Variants in RARB observed in about 807,000 individuals in gnomAD.
The protein encoded by RARB is HBV-activated protein.
In RARB, 17 loss-of-function variants were observed where a neutral mutation model predicts 51.9. The ratio of observed to expected loss-of-function variants is 0.33; its 90% CI spans 0.22 to 0.49. The LOEUF is 0.49. Among genes scored for constraint, RARB ranks in the 20% least tolerant of loss-of-function variants. RARB has a pLI of 0.99. For missense variants in RARB, 369 were observed against 550.8 expected (o/e 0.67, Z 3.30); for synonymous variants, 215 against 195.4 (o/e 1.10, Z -0.84).
intron 3 of RARB, among the ~76,000 whole-genome samples, chr3:25,548,883 G>A (rs774360773): frequency 3.9e-5 from 6 of 152,132 alleles, no homozygotes; most frequent in Non-Finnish European, 7.4e-5. Flanking sequence ...ATGTTTTAGG[G>A]TGAGCCACAA....
At chr3:25,215,120 C>T (rs756207865) in intron 5 of RARB, among the ~76,000 whole-genome samples, 7 of 152,146 alleles carry the variant, frequency 4.6e-5, no homozygotes, top group South Asian at 2.1e-4. Flanking sequence ...CAACTGTACA[C>T]GGACTCACCT....
At chr3:25,396,713 C>T (rs1707124888) in intron 5 of RARB, among the ~76,000 whole-genome samples, 1 of 152,110 alleles carries the variant, frequency 6.6e-6, no homozygotes, top group South Asian at 2.1e-4. Context: ...TTTGCTGTGG[C>T]GCTGTGGAGA....
At chr3:25,079,181 ATTAT>A (rs749907214) in intron 3 of RARB, among the ~76,000 whole-genome samples, 2 of 152,004 alleles carry the variant, frequency 1.3e-5, no homozygotes, top group Non-Finnish European at 2.9e-5. Context: ...TTAATTTCTA[ATTAT>A]TTCTAATATT....
At position 25,370,041 on chromosome 3, in the gene RARB, A is replaced by G. The variant is rs557609659; in HGVS notation, c.179-91152A>G. ...GGCACAGAGCAGAAAACAGAACAAA[A>G]CACACACCCTATGTATACATTTACA... On this transcript the variant is annotated intron_variant, in intron 5 of 11. Coordinates refer to the RARB transcript ENST00000383772. Among the ~76,000 whole-genome samples the G allele has an allele frequency of 5.8e-4, 88 of 152,300 alleles. 1 individual carries two copies. The South Asian group carries it at 0.017, about 30-fold the overall frequency.
At chr3:25,400,532 C>T (rs1707236462) in intron 5 of RARB, among the ~76,000 whole-genome samples, 1 of 152,018 alleles carries the variant, frequency 6.6e-6, no homozygotes, top group Admixed American at 6.6e-5. Context: ...ACTCTTTCAT[C>T]AAAGATTTAT....
At chr3:24,875,866 TA>T (rs1265698195) in intron 2 of RARB, among the ~76,000 whole-genome samples, 2 of 152,112 alleles carry the variant, frequency 1.3e-5, no homozygotes. Context: ...GTCATGTTTT[TA>T]TAGTTTTCTA....
intron 5 of RARB, among the ~76,000 whole-genome samples, chr3:25,287,689 AC>A (rs1703689409): frequency 6.6e-6 from 1 of 151,886 alleles, no homozygotes; most frequent in Non-Finnish European, 1.5e-5. Flanking sequence ...TGCATGGAAA[AC>A]CCTTTGTCAA....
intron 5 of RARB, among the ~76,000 whole-genome samples, chr3:25,354,584 T>G (rs2125459470): frequency 6.6e-6 from 1 of 152,260 alleles, no homozygotes; most frequent in South Asian, 2.1e-4. Flanking sequence ...CCTCATACAT[T>G]GAAGAACTGG....
At chr3:25,237,693 T>C (rs998755908) in intron 5 of RARB, among the ~76,000 whole-genome samples, 5 of 152,100 alleles carry the variant, frequency 3.3e-5, no homozygotes, top group Non-Finnish European at 2.9e-5. Context: ...GAACATGTTA[T>C]ATCACCCCAA....
chr3:24,872,140 C>G (rs558921125), intron 2 of RARB, among the ~76,000 whole-genome samples: 14 of 152,268 alleles, frequency 9.2e-5, no homozygotes, highest in Non-Finnish European at 1.2e-4. Context: ...TTAGAATGGC[C>G]TACAAAGACC....
intron 3 of RARB, among the ~76,000 whole-genome samples, chr3:25,513,929 C>T (rs908959813): frequency 6.6e-6 from 1 of 152,162 alleles, no homozygotes; most frequent in Non-Finnish European, 1.5e-5. Context: ...ATTTTTTATT[C>T]TGCTTTAAAT....
intron 2 of RARB, among the ~76,000 whole-genome samples, chr3:24,949,848 C>A (rs1318334857): frequency 6.6e-6 from 1 of 152,130 alleles, no homozygotes; most frequent in Non-Finnish European, 1.5e-5. Context: ...TTTACTTTTT[C>A]CTCCAATATC....
intron 5 of RARB, among the ~76,000 whole-genome samples, chr3:25,358,648 G>A (rs577459880): frequency 2.6e-5 from 4 of 152,210 alleles, no homozygotes; most frequent in Non-Finnish European, 5.9e-5. Context: ...TTTGAGATAT[G>A]TTCCATCAAT....
intron 5 of RARB, among the ~76,000 whole-genome samples, chr3:25,370,788 G>A (rs542268274): frequency 1.3e-5 from 2 of 152,162 alleles, no homozygotes; most frequent in Non-Finnish European, 2.9e-5. Flanking sequence ...AGGCTTGCTG[G>A]CGTCAAACAA....
At chr3:25,170,838 G>A (rs751768843) in intron 4 of RARB, among the ~76,000 whole-genome samples, 8 of 151,970 alleles carry the variant, frequency 5.3e-5, no homozygotes, top group East Asian at 3.9e-4. Context: ...ATAAGATATC[G>A]TAGATACAGG....
At position 25,170,894 on chromosome 3, in the gene RARB, A is replaced by G. The variant is rs77087207; in HGVS notation, c.-279-3225A>G. ...AAGATTACCAAGACCCTACCACTAA[A>G]TGTGCATGTGTGATTCAAGTGGTTG... On this transcript the variant is annotated intron_variant, in intron 4 of 11. Transcript: ENST00000383772. Among the ~76,000 whole-genome samples the G allele has an allele frequency of 5.4e-3, 825 of 152,314 alleles. 7 individuals carry two copies. The highest frequency in any genetic ancestry group is 0.019 in the African/African-American group (775 of 41,562).
chr3:25,213,281 T>G lies in RARB; in HGVS notation c.178+38706T>G, dbSNP rs533672148. 1.3e-4 allele frequency among the ~76,000 whole-genome samples: 20 copies of G among 152,310 alleles called. No homozygotes were observed. The South Asian group carries it at 2.9e-3, about 22-fold the overall frequency. ...TTCTGACAGCATAGATCTGTACAGC[T>G]TTCTTTTGTACACTACATACTATAT... On this transcript the variant is annotated intron_variant, in intron 5 of 11. Transcript: ENST00000383772.
At chr3:25,500,557 G>C (rs1168660477) in intron 2 of RARB, among the ~76,000 whole-genome samples, 2 of 141,150 alleles carry the variant, frequency 1.4e-5, no homozygotes, top group African/African-American at 5.3e-5. Flanking sequence ...TCAGCTCACT[G>C]CAACCTCTGC....
chr3:25,001,220 A>C (rs1011361208), intron 2 of RARB, among the ~76,000 whole-genome samples: 1 of 152,146 alleles, frequency 6.6e-6, no homozygotes, highest in South Asian at 2.1e-4. Flanking sequence ...AAAGGCAAAA[A>C]TTACAATGTC....
Sources: allele counts gnomAD v4.1 joint callset (sites outside exome capture counted in the v4.1 genomes callset), GRCh38; gene constraint gnomAD v4.1.1; transcripts MANE v1.5; gene names NCBI Gene and HGNC (gene_info 2026-07-23, HGNC 2026-07-21).